Variants in CHLSN observed in about 807,000 individuals in gnomAD.
CHLSN encodes protein cholesin.
chr7:1,116,723 T>C, the CHLSN span, among the ~76,000 whole-genome samples: 86 of 24,288 alleles, frequency 3.5e-3, no homozygotes, highest in Admixed American at 5.6e-3. Flanking sequence ...ATCACCGACG[T>C]CCACGCAGGA....
the CHLSN span, among the ~76,000 whole-genome samples, chr7:993,147 G>C: frequency 1.3e-5 from 2 of 152,322 alleles, no homozygotes; most frequent in Admixed American, 6.5e-5. Context: ...CACGCAGCCA[G>C]CAGGGGTACG....
chr7:1,029,599 A>G, the CHLSN span, among the ~76,000 whole-genome samples: 1 of 152,184 alleles, frequency 6.6e-6, no homozygotes, highest in Admixed American at 6.5e-5. Flanking sequence ...AGGGAGCCGC[A>G]CTGGCCACCC....
At chr7:1,122,693 C>G in the CHLSN span, among the ~76,000 whole-genome samples, 1 of 152,202 alleles carries the variant, frequency 6.6e-6, no homozygotes, top group Non-Finnish European at 1.5e-5. Context: ...ACAACCCGCT[C>G]AAGTGGGAAA....
the CHLSN span, among the ~76,000 whole-genome samples, chr7:1,120,296 T>C: frequency 6.6e-6 from 1 of 152,146 alleles, no homozygotes; most frequent in African/African-American, 2.4e-5. Context: ...TTCTTTTTTG[T>C]TCAACATTTT....
At chr7:1,079,201 C>CT in the CHLSN span, among the ~76,000 whole-genome samples, 3 of 152,170 alleles carry the variant, frequency 2.0e-5, no homozygotes, top group Admixed American at 6.5e-5. Flanking sequence ...CCAAGCCACT[C>CT]GAAGCTGACA....
the CHLSN span, chr7:984,571 G>T: frequency 6.4e-7 from 1 of 1,561,186 alleles, no homozygotes; most frequent in Non-Finnish European, 8.6e-7. Context: ...CCAGCGAGGT[G>T]GAGGTCGGTG....
the CHLSN span, among the ~76,000 whole-genome samples, chr7:985,898 G>A: frequency 6.6e-5 from 10 of 152,308 alleles, no homozygotes; most frequent in African/African-American, 1.9e-4. Context: ...AGGCAGGGCC[G>A]TGATGGGAGT....
chr7:1,112,827 G>T, the CHLSN span, among the ~76,000 whole-genome samples: 7 of 152,228 alleles, frequency 4.6e-5, no homozygotes, highest in Admixed American at 3.3e-4. Flanking sequence ...GAAGCGCAGC[G>T]GCTTCGTAAA....
chr7:1,004,146 C>A, the CHLSN span, among the ~76,000 whole-genome samples: 1 of 152,054 alleles, frequency 6.6e-6, no homozygotes, highest in Non-Finnish European at 1.5e-5. Flanking sequence ...AATTTTAGTT[C>A]CTTTCTTTTT....
the CHLSN span, among the ~76,000 whole-genome samples, chr7:1,060,325 C>T: frequency 6.6e-6 from 1 of 152,214 alleles, no homozygotes; most frequent in African/African-American, 2.4e-5. Context: ...GATCCCTGAC[C>T]TGAAGGGGTG....
At chr7:1,014,321 G>A in the CHLSN span, among the ~76,000 whole-genome samples, 3 of 152,192 alleles carry the variant, frequency 2.0e-5, no homozygotes, top group African/African-American at 7.2e-5. Context: ...TTTCCTTTAT[G>A]CCTTTAACTC....
the CHLSN span, among the ~76,000 whole-genome samples, chr7:1,136,433 C>T: frequency 4.0e-5 from 4 of 100,038 alleles, no homozygotes; most frequent in African/African-American, 1.6e-4. Flanking sequence ...TATATATAAA[C>T]ATATATATAA....
At chr7:1,013,645 T>C in the CHLSN span, among the ~76,000 whole-genome samples, 1 of 152,156 alleles carries the variant, frequency 6.6e-6, no homozygotes, top group Non-Finnish European at 1.5e-5. Context: ...GTCTCTCTCC[T>C]AACATGAAGG....
the CHLSN span, chr7:1,055,520 C>T: frequency 1.6e-5 from 7 of 448,844 alleles, no homozygotes; most frequent in Admixed American, 1.2e-4. Flanking sequence ...GGAGAGGGGA[C>T]GTGGGGGGCT....
the CHLSN span, among the ~76,000 whole-genome samples, chr7:1,077,406 C>G: frequency 4.1e-4 from 63 of 152,346 alleles, no homozygotes; most frequent in South Asian, 0.012. Flanking sequence ...CCGCCCGCCT[C>G]GGCCTCCCAG....
the CHLSN span, among the ~76,000 whole-genome samples, chr7:1,075,137 C>A: frequency 1.3e-5 from 2 of 152,226 alleles, no homozygotes; most frequent in East Asian, 1.9e-4. Context: ...TCTGGCCTCA[C>A]TGAATTCTCC....
At chr7:983,751 C>T in the CHLSN span, among the ~76,000 whole-genome samples, 2 of 152,358 alleles carry the variant, frequency 1.3e-5, no homozygotes, top group Admixed American at 6.5e-5. Context: ...CAGCCCCCCT[C>T]GGCCCTCAGG....
chr7:1,010,372 G>C, the CHLSN span, among the ~76,000 whole-genome samples: 1 of 152,216 alleles, frequency 6.6e-6, no homozygotes, highest in African/African-American at 2.4e-5. Context: ...CAGGTGCCAG[G>C]ATTAACTGCC....
chr7:1,041,136 G>A, the CHLSN span, among the ~76,000 whole-genome samples: 1 of 149,568 alleles, frequency 6.7e-6, no homozygotes, highest in Non-Finnish European at 1.5e-5. Context: ...AGAGACTGCA[G>A]GAGGGAGGGA....
Sources: allele counts gnomAD v4.1 joint callset (sites outside exome capture counted in the v4.1 genomes callset), GRCh38; gene constraint gnomAD v4.1.1; transcripts MANE v1.5; gene names NCBI Gene and HGNC (gene_info 2026-07-23, HGNC 2026-07-21).